Variants in FBXO25 observed in about 807,000 individuals in gnomAD.
FBXO25 encodes F-box protein 25.
A neutral mutation model predicts 51.9 loss-of-function variants in FBXO25; 45 were observed. The ratio of observed to expected loss-of-function variants is 0.87; its 90% confidence interval spans 0.68 to 1.11. FBXO25 has a LOEUF of 1.11. Ranked by LOEUF, FBXO25 falls within the 50% of genes most tolerant of loss-of-function variation. The pLI is 0.00. For missense variants in FBXO25, 507 were observed against 428.5 expected (o/e 1.18, Z -1.62); for synonymous variants, 199 against 151.0 (o/e 1.32, Z -2.33).
chr8:413,709 T>C (rs971917026), intron 2 of FBXO25, among the ~76,000 whole-genome samples: 24 of 152,206 alleles, frequency 1.6e-4, no homozygotes, highest in Non-Finnish European at 2.9e-4. Context: ...TATTACCTGC[T>C]ACATTTGCGC....
chr8:467,739 T>C, intron 9 of FBXO25: 1 of 1,614,096 alleles, frequency 6.2e-7, no homozygotes, highest in Non-Finnish European at 8.5e-7. Flanking sequence ...CTTGCTTTAC[T>C]ATTCAAGGTA....
intron 8 of FBXO25, among the ~76,000 whole-genome samples, chr8:458,958 A>C (rs2278767): frequency 0.13 from 20,504 of 152,108 alleles, 1,473 homozygotes; most frequent in South Asian, 0.18. Context: ...CACTCGGTAG[A>C]TGCCGCTCCT....
At chr8:412,816 A>T (rs5000148) in intron 1 of FBXO25, among the ~76,000 whole-genome samples, 54,659 of 151,964 alleles carry the variant, frequency 0.36, 10,807 homozygotes, top group African/African-American at 0.54. Context: ...GGTATGAGCT[A>T]GAATGTCACC....
intron 2 of FBXO25, among the ~76,000 whole-genome samples, chr8:413,796 C>T (rs1332007759): frequency 2.0e-5 from 3 of 152,198 alleles, no homozygotes; most frequent in Admixed American, 6.5e-5. Flanking sequence ...ACATGCATCA[C>T]GTTGCCCACA....
At position 469,055 on chromosome 8, in the gene FBXO25, ACTCT is replaced by A. The variant is rs35458213; in HGVS notation, c.*260_*263del. 2.0e-4 allele frequency: 89 copies of A among 440,370 alleles called. No individual in the cohort carries two copies. The highest frequency in any genetic ancestry group is 6.1e-4 in the Middle Eastern group (1 of 1,652). 27.3% of individuals were successfully genotyped at this position (440,370 alleles called of 1,614,324 possible). ...CATATTAAAATGTGAAATTTTGCGTACTCTCTCTCTCTATATATATAGTTCAAAA... is the reference window on the plus strand; with the variant it reads ...CATATTAAAATGTGAAATTTTGCGTACTCTCTCTATATATATAGTTCAAAA... On this transcript the variant is annotated 3_prime_UTR_variant, in exon 10 of 10. Coordinates refer to ENST00000350302, the MANE Select transcript of FBXO25 (RefSeq NM_183420.2).
chr8:471,156 G>C lies in FBXO25; in HGVS notation c.*2352G>C, dbSNP rs1299983043. ...CTGCTGGGCTGGCATATTTCCACAG[G>C]CCATGGACACAGCTAGCCGCATTGC... On this transcript the variant is annotated 3_prime_UTR_variant, in exon 10 of 10. Coordinates refer to ENST00000350302, the MANE Select transcript of FBXO25 (RefSeq NM_183420.2). 6.6e-6 allele frequency: 1 copy of C among 152,194 alleles called. No homozygotes were observed. The highest frequency in any genetic ancestry group is 1.5e-5 in the Non-Finnish European group (1 of 68,068). 9.4% of individuals were successfully genotyped at this position (152,194 alleles called of 1,614,324 possible). A position where few individuals can be genotyped will look rare whatever the true frequency, so the allele number is the denominator to read the frequency against.
intron 5 of FBXO25, among the ~76,000 whole-genome samples, chr8:443,152 T>C (rs1262739284): frequency 6.6e-6 from 1 of 151,002 alleles, no homozygotes; most frequent in Non-Finnish European, 1.5e-5. Flanking sequence ...AAATTGAACA[T>C]AGATTGCTGA....
chr8:417,603 A>G (rs985540541), intron 2 of FBXO25, among the ~76,000 whole-genome samples: 28 of 152,196 alleles, frequency 1.8e-4, no homozygotes, highest in African/African-American at 4.6e-4. Flanking sequence ...GTCTGTGCCT[A>G]GGAACAGAAG....
chr8:464,419 C>T (rs977767189), intron 9 of FBXO25, among the ~76,000 whole-genome samples: 34 of 152,204 alleles, frequency 2.2e-4, no homozygotes, highest in Non-Finnish European at 4.4e-4. Flanking sequence ...TGCTGAGCTG[C>T]TGGCTGCTCT....
At chr8:458,574 C>T (rs1563095123) in intron 8 of FBXO25, 23 bp downstream of exon 8, 1 of 1,610,954 alleles carries the variant, frequency 6.2e-7, no homozygotes, top group Non-Finnish European at 8.5e-7. Flanking sequence ...CAGCAGTCTC[C>T]CCTCAGGCTG....
At chr8:443,266 G>A (rs940396894) in intron 5 of FBXO25, among the ~76,000 whole-genome samples, 5 of 150,400 alleles carry the variant, frequency 3.3e-5, no homozygotes, top group East Asian at 3.9e-4. Flanking sequence ...GCAAGTATCC[G>A]AATTATATTG....
intron 2 of FBXO25, among the ~76,000 whole-genome samples, chr8:428,550 A>G (rs182688810): frequency 1.9e-4 from 29 of 152,178 alleles, no homozygotes; most frequent in African/African-American, 5.8e-4. Context: ...TACACATAAC[A>G]TAAAATTGCC....
intron 4 of FBXO25, 55 bp from the exon 5 acceptor site, chr8:435,560 C>G (rs1054637345): frequency 4.4e-6 from 7 of 1,574,936 alleles, no homozygotes; most frequent in East Asian, 2.2e-5. Flanking sequence ...TTGACATTAA[C>G]TGCCAATTCT....
chr8:451,316 G>A lies in FBXO25; in HGVS notation c.523G>A (p.Asp175Asn), dbSNP rs765135269. Residue 175 changes from aspartate (D) to asparagine (N), a missense_variant, in exon 7 of 10, where the codon GAC (aspartate) becomes AAC (asparagine). Asp to Asn is a conservative substitution (Grantham distance 23). Coordinates refer to ENST00000350302, the MANE Select transcript of FBXO25 (RefSeq NM_183420.2). ...TCGCTTAATCAAAGATCTTCTGCAA[G>A]ACCTAAGCTCTACCCTCTGCATTCT... ...NPRLIKDLLQ[D>N]LSSTLCILIR... 1 of 1,612,470 alleles carries A rather than the reference G, an allele frequency of 6.2e-7. No homozygotes were observed. The highest frequency in any genetic ancestry group is 1.1e-5 in the South Asian group (1 of 90,764).
At chr8:436,473 A>G (rs948185117) in intron 5 of FBXO25, among the ~76,000 whole-genome samples, 3 of 152,196 alleles carry the variant, frequency 2.0e-5, no homozygotes, top group East Asian at 1.9e-4. Context: ...TAAGCCTTAG[A>G]TAATATTATT....
intron 8 of FBXO25, among the ~76,000 whole-genome samples, chr8:460,916 G>A (rs974128953): frequency 1.3e-5 from 2 of 152,132 alleles, no homozygotes; most frequent in Non-Finnish European, 2.9e-5. Context: ...CTCAAAAGCC[G>A]TGACTGAAGT....
chr8:412,607 A>G (rs1796548428), intron 1 of FBXO25, among the ~76,000 whole-genome samples: 1 of 152,306 alleles, frequency 6.6e-6, no homozygotes, highest in Non-Finnish European at 1.5e-5. Flanking sequence ...AACTTGATCC[A>G]GCCTTAAATG....
chr8:463,939 C>G (rs1401660686), intron 9 of FBXO25, among the ~76,000 whole-genome samples: 1 of 152,060 alleles, frequency 6.6e-6, no homozygotes, highest in Non-Finnish European at 1.5e-5. Flanking sequence ...CAGGCAGGTG[C>G]TACCACACCC....
intron 7 of FBXO25, among the ~76,000 whole-genome samples, chr8:455,024 G>C (rs1228958877): frequency 6.6e-6 from 1 of 152,154 alleles, no homozygotes; most frequent in East Asian, 1.9e-4. Flanking sequence ...TTCCCACTAT[G>C]ACTGACTTCA....
Sources: gnomAD v4.1 joint callset for allele counts (sites outside exome capture counted in the v4.1 genomes callset) on GRCh38, gnomAD v4.1.1 for gene constraint, MANE v1.5 for transcripts, NCBI Gene and HGNC (gene_info 2026-07-23, HGNC 2026-07-21) for gene names.